Variants in ADGRF4 observed in about 807,000 individuals in gnomAD.
ADGRF4 encodes G-protein coupled receptor PGR18.
A neutral mutation model predicts 58.5 loss-of-function variants in ADGRF4; 63 were observed. That is an observed-to-expected ratio of 1.08 (90% CI 0.88 to 1.33). The LOEUF is 1.33. Ranked by LOEUF, ADGRF4 falls within the 40% of genes most tolerant of loss-of-function variation. The pLI is 0.00. For synonymous variants in ADGRF4, 313 were observed against 295.4 expected, an observed-to-expected ratio of 1.06 and a Z score of -0.61; for missense variants, 931 against 843.9, an observed-to-expected ratio of 1.10 and a Z score of -1.28.
At chr6:47,717,582 C>A (rs551566560) in intron 8 of ADGRF4, among the ~76,000 whole-genome samples, 1 of 152,244 alleles carries the variant, frequency 6.6e-6, no homozygotes, top group East Asian at 1.9e-4. Context: ...TTCAGCTTGA[C>A]ATTTGAACCC....
chr6:47,700,356 C>T (rs1434211954), intron 1 of ADGRF4, among the ~76,000 whole-genome samples: 2 of 152,168 alleles, frequency 1.3e-5, no homozygotes, highest in Non-Finnish European at 2.9e-5. Context: ...TCATCCCCTA[C>T]AATTCCATCT....
chr6:47,714,718 G>A lies in ADGRF4; in HGVS notation c.1473G>A (p.Met491Ile). 1 of 1,613,920 alleles carries A rather than the reference G, an allele frequency of 6.2e-7. No homozygotes were observed. The highest frequency in any genetic ancestry group is 8.5e-7 in the Non-Finnish European group (1 of 1,179,872). Residue 491 changes from methionine (M) to isoleucine (I), a missense_variant, in exon 6 of 10, where the codon ATG becomes ATA. Transcript: ENST00000283303. ...HFFYLSLFFWMLFKALLIIYG... is the reference protein window; with the variant it reads ...HFFYLSLFFWILFKALLIIYG... The stretch of plus-strand genomic sequence containing the variant: ...TCTACCTCTCTCTGTTTTTCTGGAT[G>A]CTCTTCAAAGCATTGCTCATCATTT...
rs138178197 is a variant in ADGRF4, at chr6:47,709,502, A to G, written c.148+1224A>G. Among the ~76,000 whole-genome samples, 660 of 152,386 alleles carry G rather than the reference A, an allele frequency of 4.3e-3. 3 individuals carry two copies. The highest frequency in any genetic ancestry group is 0.014 in the African/African-American group (576 of 41,606). On this transcript the variant is annotated intron_variant, in intron 3 of 9. Coordinates refer to ENST00000283303, the MANE Select transcript of ADGRF4 (RefSeq NM_153838.5). ...GAATTACCATATTTAGCAAATGAAAATATAGAATGCCTGATTAAATTTGAA... is the reference window on the plus strand; with the variant it reads ...GAATTACCATATTTAGCAAATGAAAGTATAGAATGCCTGATTAAATTTGAA...
chr6:47,715,713 CA>C (rs1223180283), intron 6 of ADGRF4: 2 of 152,976 alleles, frequency 1.3e-5, no homozygotes, highest in Non-Finnish European at 2.9e-5. Flanking sequence ...TTGGGAATGC[CA>C]CTTTTCTCTG....
chr6:47,701,132 G>C (rs950452391), intron 1 of ADGRF4, among the ~76,000 whole-genome samples: 4 of 152,102 alleles, frequency 2.6e-5, no homozygotes, highest in Non-Finnish European at 5.9e-5. Context: ...GTCTAGCTGT[G>C]TTTGCCTGTA....
At chr6:47,719,198 T>C (rs1772101858) in intron 9 of ADGRF4, among the ~76,000 whole-genome samples, 1 of 152,188 alleles carries the variant, frequency 6.6e-6, no homozygotes, top group African/African-American at 2.4e-5. Context: ...CTGAGTCTCA[T>C]GGAACCAAAG....
Position 47,708,890 on chromosome 6 carries a change from T to C in ADGRF4, c.148+612T>C, listed in dbSNP as rs78474003. On this transcript the variant is annotated intron_variant, in intron 3 of 9. Coordinates refer to ENST00000283303, the MANE Select transcript of ADGRF4 (RefSeq NM_153838.5). ...AAGCAGAGAGAAAGGTAACTAACAT[T>C]TACTGGGCATTTAAGACAACTTGAA... Among the ~76,000 whole-genome samples, 659 of 152,306 alleles carry C rather than the reference T, an allele frequency of 4.3e-3. 3 individuals are homozygous for C. The highest frequency in any genetic ancestry group is 0.014 in the African/African-American group (575 of 41,552).
rs573270323 is a variant in ADGRF4 at position 47,706,928 on chromosome 6, T to C, written c.-16-302T>C. ...AGATATTCTTGATAAATATGACTAT[T>C]AAATAAACTTGTTAATTAAATAATA... On this transcript the variant is annotated intron_variant, in intron 1 of 9. Coordinates refer to ENST00000283303, the MANE Select transcript of ADGRF4 (RefSeq NM_153838.5). Among the ~76,000 whole-genome samples, 6 of 152,376 alleles carry C rather than the reference T, an allele frequency of 3.9e-5. No homozygotes were observed. The South Asian group carries it at 1.2e-3, about 32-fold the overall frequency.
At chr6:47,715,333 G>T in intron 6 of ADGRF4, 156 bp downstream of exon 6, 1 of 606,746 alleles carries the variant, frequency 1.6e-6, no homozygotes, top group Non-Finnish European at 2.8e-6. Flanking sequence ...TGATTGTCAA[G>T]TTGAATTTAG....
At chr6:47,718,561 GA>G (rs1772086955) in intron 9 of ADGRF4, 116 bp downstream of exon 9, 1 of 713,746 alleles carries the variant, frequency 1.4e-6, no homozygotes. Flanking sequence ...GGGAGGGGAA[GA>G]GGGGGACATC....
chr6:47,720,082 C>G lies in ADGRF4; in HGVS notation c.*4-1127C>G, dbSNP rs139317448. The stretch of plus-strand genomic sequence containing the variant: ...TACCAGAAGGGCTCTATAATTGCAG[C>G]TGGCATCATGGTAGACCATGTTGGG... On this transcript the variant is annotated intron_variant, in intron 9 of 9. Coordinates refer to ENST00000283303, the MANE Select transcript of ADGRF4 (RefSeq NM_153838.5). Among the ~76,000 whole-genome samples, 85 of 152,306 alleles carry G rather than the reference C, an allele frequency of 5.6e-4. 1 individual carries two copies. In the East Asian group the frequency reaches 0.01, roughly 18 times the overall value.
chr6:47,699,927 C>CACACACACACACACACACA (rs1192975005), intron 1 of ADGRF4, among the ~76,000 whole-genome samples: 1 of 123,468 alleles, frequency 8.1e-6, no homozygotes, highest in South Asian at 2.5e-4. Context: ...CACACACAGA[C>CACACACACACACACACACA]GACACACCCC....
chr6:47,707,370 G>A, intron 2 of ADGRF4, 32 bp downstream of exon 2: 1 of 1,318,478 alleles, frequency 7.6e-7, no homozygotes, highest in Non-Finnish European at 1.1e-6. Flanking sequence ...GTGATCCGAG[G>A]AGAAATCTCT....
chr6:47,718,062 A>T (rs1772068307), intron 8 of ADGRF4, among the ~76,000 whole-genome samples: 1 of 152,198 alleles, frequency 6.6e-6, no homozygotes. Context: ...ATTGAGTGGG[A>T]CTTTTAGTAT....
chr6:47,715,661 T>C (rs1554135321), intron 6 of ADGRF4: 1 of 153,734 alleles, frequency 6.5e-6, no homozygotes, highest in Non-Finnish European at 1.4e-5. Context: ...TAAAAATAAA[T>C]TGTTATTTAT....
Position 47,712,529 on chromosome 6 carries a change from G to A in ADGRF4, c.473G>A (p.Gly158Glu). Residue 158 changes from glycine (G) to glutamate (E), a missense_variant, in exon 5 of 10, where the codon GGA becomes GAA. Gly to Glu is a moderately conservative substitution (Grantham distance 98). Coordinates refer to ENST00000283303, the MANE Select transcript of ADGRF4 (RefSeq NM_153838.5). ...GTGAAATCATCAGAAACAACATCTG[G>A]AAATATTGCATTTATAGTGGAGTTA... is the stretch of plus-strand genomic sequence containing the variant. ...DMVKSSETTSGNIAFIVELLK... is the reference protein window; with the variant it reads ...DMVKSSETTSENIAFIVELLK... The A allele has an allele frequency of 1.9e-6, 3 of 1,611,828 alleles. No individual in the cohort carries two copies. Among genetic ancestry groups the A allele is most frequent in the Non-Finnish European group, 2.5e-6 (3 of 1,177,984 alleles).
Position 47,712,614 on chromosome 6 carries a change from C to A in ADGRF4, c.552+6C>A. ...TTACTCGAGAGAAAATGAAGGTATT[C>A]TTTGTTAATCATTTAAAAATGATGT... On this transcript the variant is annotated splice_donor_region_variant and intron_variant, in intron 5 of 9. Coordinates refer to ENST00000283303, the MANE Select transcript of ADGRF4 (RefSeq NM_153838.5). 1 of 1,559,620 alleles carries A rather than the reference C, an allele frequency of 6.4e-7. No individual in the cohort carries two copies. The highest frequency in any genetic ancestry group is 1.1e-5 in the South Asian group (1 of 88,688).
rs115339510 is a variant in ADGRF4, at chr6:47,702,879, G to A, written c.-17+4085G>A. Among the ~76,000 whole-genome samples, 597 of 152,316 alleles carry A rather than the reference G, an allele frequency of 3.9e-3. 3 individuals carry two copies. The highest frequency in any genetic ancestry group is 0.014 in the African/African-American group (573 of 41,558). ...CCACATAGGATAGGATCTAGCACTG[G>A]CTGTCCACTCTTTACCAGAAACTGG... On this transcript the variant is annotated intron_variant, in intron 1 of 9. Coordinates refer to ENST00000283303, the MANE Select transcript of ADGRF4 (RefSeq NM_153838.5).
intron 9 of ADGRF4, among the ~76,000 whole-genome samples, chr6:47,718,856 C>T (rs1928466): frequency 0.95 from 144,211 of 152,226 alleles, 68,791 homozygotes; most frequent in East Asian, 1. Context: ...GGTGGGGTTG[C>T]GGCAAATTAG....
Sources: gnomAD v4.1 joint callset for allele counts (sites outside exome capture counted in the v4.1 genomes callset) on GRCh38, gnomAD v4.1.1 for gene constraint, MANE v1.5 for transcripts, NCBI Gene and HGNC (gene_info 2026-07-23, HGNC 2026-07-21) for gene names.